ATP6V0A1: variants seen among roughly 807,000 people sequenced by gnomAD.
ATP6V0A1 encodes V-type proton ATPase 116 kDa subunit a 1.
A neutral mutation model predicts 105.4 loss-of-function variants in ATP6V0A1; 43 were observed. The observed-to-expected ratio is 0.41, with a 90% CI of 0.32 to 0.53. ATP6V0A1 has a LOEUF of 0.53. ATP6V0A1 is among the 20% of genes least tolerant of loss of function. The pLI is 0.30. For synonymous variants in ATP6V0A1, 362 were observed against 372.8 expected, an observed-to-expected ratio of 0.97 and a Z score of 0.33; for missense variants, 676 against 1,051.1, an observed-to-expected ratio of 0.64 and a Z score of 4.93.
At chr17:42,495,821 C>T (rs1598953168) in intron 14 of ATP6V0A1, 105 bp downstream of exon 14, 4 of 968,468 alleles carry the variant, frequency 4.1e-6, no homozygotes. Context: ...TTTCACTGGG[C>T]ATGGTCGCTC....
At chr17:42,495,551 T>TG (rs2091075635) in intron 13 of ATP6V0A1, 75 bp from the exon 14 acceptor site, 3 of 1,133,710 alleles carry the variant, frequency 2.6e-6, no homozygotes, top group Non-Finnish European at 2.6e-6. Flanking sequence ...TAATTTATTT[T>TG]GGGGTCAGTT....
At chr17:42,466,375 CAG>C (rs1390782788) in intron 2 of ATP6V0A1, 52 bp from the exon 3 acceptor site, 1 of 1,457,760 alleles carries the variant, frequency 6.9e-7, no homozygotes, top group African/African-American at 1.4e-5. Context: ...GCTTGAGAAA[CAG>C]AAGAAATAGA....
rs753281371 is a variant in ATP6V0A1, at chr17:42,490,578, A to G, written c.1115A>G (p.Tyr372Cys). 28 of 1,613,542 alleles carry G rather than the reference A, an allele frequency of 1.7e-5. No homozygotes were observed. Among genetic ancestry groups the G allele is most frequent in the South Asian group, 1.1e-4 (10 of 90,988 alleles). ...PTYNKTNKFT[Y>C]GFQNIVDAYG... ...TATAACAAAACCAACAAGTTTACCT[A>G]TGGCTTTCAGAACATAGTAGATGCT... is the stretch of plus-strand genomic sequence containing the variant. Residue 372 changes from tyrosine (Y) to cysteine (C), a missense_variant, in exon 11 of 22, where the codon TAT becomes TGT. By Grantham distance (194) the Tyr-to-Cys change is radical. This residue lies in a region of ATP6V0A1 where 435 missense variants were observed against 642.2 expected (regional missense o/e 0.68). Transcript: ENST00000343619.
At chr17:42,505,882 G>C (rs942367744) in intron 17 of ATP6V0A1, among the ~76,000 whole-genome samples, 1 of 151,394 alleles carries the variant, frequency 6.6e-6, no homozygotes, top group Non-Finnish European at 1.5e-5. Context: ...TCACCTCCCG[G>C]GTTTCAGCAG....
At position 42,507,509 on chromosome 17, in the gene ATP6V0A1, C is replaced by T; in HGVS notation, c.2005-11C>T. 1.3e-6 allele frequency: 2 copies of T among 1,588,820 alleles called. No homozygotes were observed. The highest frequency in any genetic ancestry group is 1.7e-6 in the Non-Finnish European group (2 of 1,159,850). On this transcript the variant is annotated splice_polypyrimidine_tract_variant and intron_variant, in intron 17 of 21. Transcript: ENST00000343619. ...CCAGGCAAATTCTACTCTTTCTGTT[C>T]ATCTGTGTAGGGAACTCTCAACTTT... is the stretch of plus-strand genomic sequence containing the variant.
At position 42,514,324 on chromosome 17, in the gene ATP6V0A1, A is replaced by G. The variant is rs1383029666; in HGVS notation, c.2284A>G (p.Ile762Val). Residue 762 changes from isoleucine (I) to valine (V), a missense_variant, in exon 21 of 22, where the codon ATC (isoleucine) becomes GTC (valine). By Grantham distance (29) the Ile-to-Val change is conservative (BLOSUM62 3). Transcript: ENST00000343619. ...GGTGCTTTGGACCATGGTGATCCAC[A>G]TCGGCCTGAGCGTGAAGAGCTTGGC... ...SEVLWTMVIH[I>V]GLSVKSLAGG... 4.3e-6 allele frequency: 7 copies of G among 1,611,046 alleles called. No individual in the cohort carries two copies. The highest frequency in any genetic ancestry group is 5.9e-6 in the Non-Finnish European group (7 of 1,178,438).
At chr17:42,502,128 A>G (rs1318417352) in intron 17 of ATP6V0A1, among the ~76,000 whole-genome samples, 1 of 152,212 alleles carries the variant, frequency 6.6e-6, no homozygotes, top group Non-Finnish European at 1.5e-5. Flanking sequence ...GCTGCTCAAG[A>G]TATCTGGATT....
rs1430466592 is a variant in ATP6V0A1, at chr17:42,494,464, T to A, written c.1305T>A (p.Asn435Lys). ...AGAGCCGGATCCTTTCCCAGAAGAA[T>A]GAGAATGAGGTAATGTTTAAGTTAC... ...LRESRILSQK[N>K]ENEMFSTVFS... The change falls in exon 12 of 22, where the codon AAT (asparagine) becomes AAA (lysine). Residue 435 changes from asparagine to lysine, a missense_variant. Asn to Lys is a moderately conservative substitution (Grantham distance 94, BLOSUM62 0). Coordinates refer to ENST00000343619, the MANE Select transcript of ATP6V0A1 (RefSeq NM_001130021.3). 1.2e-6 allele frequency: 2 copies of A among 1,612,556 alleles called. No individual in the cohort carries two copies. Among genetic ancestry groups the A allele is most frequent in the Non-Finnish European group, 1.7e-6 (2 of 1,179,470 alleles).
intron 6 of ATP6V0A1, 31 bp downstream of exon 6, chr17:42,477,773 G>T (rs990601756): frequency 1.9e-6 from 3 of 1,539,338 alleles, no homozygotes; most frequent in Middle Eastern, 1.8e-4. Flanking sequence ...TCGGTATTCA[G>T]TGGGGCCATG....
intron 21 of ATP6V0A1, among the ~76,000 whole-genome samples, chr17:42,515,353 G>C (rs1388102190): frequency 1.3e-5 from 2 of 151,628 alleles, no homozygotes; most frequent in Non-Finnish European, 2.9e-5. Flanking sequence ...TGTAATCCCA[G>C]CTACTCAGGA....
chr17:42,508,677 TG>T (rs1274772870), intron 19 of ATP6V0A1, 88 bp downstream of exon 19: 40 of 1,566,762 alleles, frequency 2.6e-5, no homozygotes, highest in Non-Finnish European at 3.5e-5. Flanking sequence ...TGCCACACCC[TG>T]GGGCCATACA....
chr17:42,514,789 T>C (rs778216561), intron 21 of ATP6V0A1, among the ~76,000 whole-genome samples: 1 of 152,164 alleles, frequency 6.6e-6, no homozygotes, highest in Non-Finnish European at 1.5e-5. Context: ...TCTGGTTTTC[T>C]CTCTGATGTG....
intron 10 of ATP6V0A1, among the ~76,000 whole-genome samples, chr17:42,488,427 T>C (rs893411651): frequency 1.3e-5 from 2 of 152,180 alleles, no homozygotes; most frequent in Non-Finnish European, 2.9e-5. Flanking sequence ...GGAAGTTCTT[T>C]AGGGGTAAAG....
chr17:42,460,380 C>A (rs1029803325), intron 1 of ATP6V0A1: 2 of 153,148 alleles, frequency 1.3e-5, no homozygotes, highest in Non-Finnish European at 2.9e-5. Context: ...TTTAGAAATG[C>A]GCATTGTCAG....
intron 8 of ATP6V0A1, chr17:42,481,168 C>G (rs1394091507): frequency 1.3e-5 from 2 of 152,838 alleles, no homozygotes; most frequent in African/African-American, 4.8e-5. Context: ...AGGGATCTGC[C>G]CATCTCAACC....
intron 14 of ATP6V0A1, among the ~76,000 whole-genome samples, chr17:42,497,543 G>A (rs2091293654): frequency 6.6e-6 from 1 of 151,236 alleles, no homozygotes. Flanking sequence ...GCGTGGTGGC[G>A]AGCACCTGTA....
chr17:42,520,355 G>A, intron 21 of ATP6V0A1: 1 of 444,730 alleles, frequency 2.2e-6, no homozygotes, highest in South Asian at 1.6e-5. Flanking sequence ...CACCCTCCCT[G>A]AGAGTGAAAG....
intron 2 of ATP6V0A1, among the ~76,000 whole-genome samples, chr17:42,462,265 T>C (rs1352046911): frequency 6.6e-6 from 1 of 151,812 alleles, no homozygotes; most frequent in East Asian, 1.9e-4. Flanking sequence ...TGACCACCTA[T>C]GTTTCTACTA....
intron 3 of ATP6V0A1, among the ~76,000 whole-genome samples, chr17:42,467,146 CAA>C (rs11320569): frequency 0.012 from 1,795 of 144,584 alleles, 35 homozygotes; most frequent in African/African-American, 0.035. Context: ...GACTCCGTCT[CAA>C]AAAAAAAAAA....
Sources: allele counts gnomAD v4.1 joint callset (sites outside exome capture counted in the v4.1 genomes callset), GRCh38; gene constraint gnomAD v4.1.1; regional missense constraint gnomAD v4.1.1; transcripts MANE v1.5; gene names NCBI Gene and HGNC (gene_info 2026-07-23, HGNC 2026-07-21).